Variants in BCR observed in about 807,000 individuals in gnomAD.
The protein encoded by BCR is breakpoint cluster region protein.
In BCR, 58 loss-of-function variants were observed where a neutral mutation model predicts 138.6. The observed-to-expected ratio is 0.42, with a 90% confidence interval of 0.34 to 0.52. The LOEUF is 0.52. BCR is among the 20% of genes least tolerant of loss of function. The probability of loss-of-function intolerance (pLI) is 0.06; values close to 1 mark genes in which losing one functional copy is unlikely to be tolerated. For synonymous variants in BCR, 786 were observed against 730.1 expected, an observed-to-expected ratio of 1.08 and a Z score of -1.23; for missense variants, 1,599 against 1,727.2, an observed-to-expected ratio of 0.93 and a Z score of 1.32.
At chr22:23,206,400 ATG>A (rs1423943433) in intron 1 of BCR, among the ~76,000 whole-genome samples, 12 of 152,092 alleles carry the variant, frequency 7.9e-5, no homozygotes, top group African/African-American at 9.6e-5. Flanking sequence ...CGGTGAAACC[ATG>A]TCTCTACTAA....
At chr22:23,211,066 C>T (rs528325963) in intron 1 of BCR, among the ~76,000 whole-genome samples, 1 of 152,204 alleles carries the variant, frequency 6.6e-6, no homozygotes, top group Non-Finnish European at 1.5e-5. Context: ...CTCCCCATCC[C>T]CTTCTTCTGT....
chr22:23,256,270 T>A (rs1276143262), intron 2 of BCR, among the ~76,000 whole-genome samples: 1 of 152,228 alleles, frequency 6.6e-6, no homozygotes, highest in East Asian at 1.9e-4. Context: ...CCTCATTTGG[T>A]CCCAGATGCT....
At chr22:23,265,073 A>G (rs1281887886) in intron 4 of BCR, 1 of 152,206 alleles carries the variant, frequency 6.6e-6, no homozygotes, top group Non-Finnish European at 1.5e-5. Flanking sequence ...GGGGGAAAAA[A>G]ACACACATCC....
At chr22:23,285,501 T>C (rs531873709) in intron 10 of BCR, among the ~76,000 whole-genome samples, 1 of 152,340 alleles carries the variant, frequency 6.6e-6, no homozygotes, top group Admixed American at 6.5e-5. Context: ...GGATACTTCT[T>C]AGACCTGGTG....
chr22:23,260,438 C>T (rs534366666), intron 2 of BCR, among the ~76,000 whole-genome samples: 17 of 152,220 alleles, frequency 1.1e-4, no homozygotes, highest in African/African-American at 3.9e-4. Flanking sequence ...CTGGAGAAGG[C>T]GGTGCTGCCT....
intron 4 of BCR, among the ~76,000 whole-genome samples, chr22:23,267,242 G>A (rs2073452800): frequency 6.6e-6 from 1 of 152,144 alleles, no homozygotes; most frequent in Non-Finnish European, 1.5e-5. Flanking sequence ...AGGGAAAGAA[G>A]GAAGAGCTCT....
At chr22:23,183,659 C>T (rs1201385732) in intron 1 of BCR, among the ~76,000 whole-genome samples, 1 of 152,238 alleles carries the variant, frequency 6.6e-6, no homozygotes, top group Non-Finnish European at 1.5e-5. Flanking sequence ...CTTGTCTGGC[C>T]AGCTGTTGGT....
intron 15 of BCR, 134 bp downstream of exon 15, chr22:23,292,772 CCT>C: frequency 1.5e-6 from 1 of 669,616 alleles, no homozygotes; most frequent in Non-Finnish European, 2.5e-6. Context: ...CCAGGAATCT[CCT>C]GGGGGGCCAG....
At chr22:23,210,485 T>C (rs1363777625) in intron 1 of BCR, among the ~76,000 whole-genome samples, 1 of 152,188 alleles carries the variant, frequency 6.6e-6, no homozygotes, top group Non-Finnish European at 1.5e-5. Context: ...GTTGTATATG[T>C]GCACGTATGT....
chr22:23,218,628 G>T (rs1337050085), intron 1 of BCR, among the ~76,000 whole-genome samples: 1 of 152,178 alleles, frequency 6.6e-6, no homozygotes, highest in African/African-American at 2.4e-5. Context: ...GACTCGTGTG[G>T]GGACAAGCTG....
chr22:23,210,281 G>T (rs1188570296), intron 1 of BCR, among the ~76,000 whole-genome samples: 1 of 152,004 alleles, frequency 6.6e-6, no homozygotes, highest in African/African-American at 2.4e-5. Flanking sequence ...GCTGGGCATG[G>T]TGGCATGGAC....
intron 1 of BCR, among the ~76,000 whole-genome samples, chr22:23,208,915 G>A (rs1356596315): frequency 4.6e-5 from 7 of 152,202 alleles, no homozygotes; most frequent in East Asian, 1.9e-4. Flanking sequence ...TCCCCTCCCC[G>A]CGGCAACCAC....
chr22:23,186,191 C>A (rs1049399653), intron 1 of BCR, among the ~76,000 whole-genome samples: 6 of 152,208 alleles, frequency 3.9e-5, no homozygotes, highest in African/African-American at 1.2e-4. Context: ...AGAGAGTAGC[C>A]GTTTGCCCTA....
chr22:23,184,902 A>C (rs1435079110), intron 1 of BCR, among the ~76,000 whole-genome samples: 1 of 149,610 alleles, frequency 6.7e-6, no homozygotes, highest in Non-Finnish European at 1.5e-5. Flanking sequence ...AGGAACAATG[A>C]GGAAAATCAC....
At chr22:23,255,935 T>G (rs1017136287) in intron 2 of BCR, among the ~76,000 whole-genome samples, 8 of 152,228 alleles carry the variant, frequency 5.3e-5, no homozygotes, top group Non-Finnish European at 1.2e-4. Flanking sequence ...GGGATTTGAT[T>G]GGAGGAGAAC....
At chr22:23,289,459 G>A in intron 12 of BCR, 58 bp from the exon 13 acceptor site, 1 of 1,445,696 alleles carries the variant, frequency 6.9e-7, no homozygotes, top group Non-Finnish European at 9.7e-7. Context: ...CAGTGGGAGG[G>A]GCCAGAGGGC....
Position 23,233,379 on chromosome 22 carries a change from C to T in BCR, c.1280-20420C>T, listed in dbSNP as rs570130945. On this transcript the variant is annotated intron_variant, in intron 1 of 22. Coordinates refer to ENST00000305877, the MANE Select transcript of BCR (RefSeq NM_004327.4). ...TTCTCGTTTGGAAACAGAAGAGACA[C>T]CACTGCTTCCCCACACCGACTTCCT... Among the ~76,000 whole-genome samples the T allele has an allele frequency of 2.6e-5, 4 of 152,294 alleles. No homozygotes were observed. The East Asian group carries it at 7.7e-4, about 29-fold the overall frequency.
chr22:23,212,630 C>T (rs981683721), intron 1 of BCR, among the ~76,000 whole-genome samples: 8 of 152,204 alleles, frequency 5.3e-5, no homozygotes, highest in Non-Finnish European at 1.0e-4. Flanking sequence ...TCTGGGGACA[C>T]AGGGGCCTTT....
chr22:23,182,745 C>T (rs1487503721), intron 1 of BCR, among the ~76,000 whole-genome samples: 2 of 152,204 alleles, frequency 1.3e-5, no homozygotes, highest in Non-Finnish European at 2.9e-5. Context: ...GATATGCTAG[C>T]TGCTCCTAGG....
Sources: allele counts gnomAD v4.1 joint callset (sites outside exome capture counted in the v4.1 genomes callset), GRCh38; gene constraint gnomAD v4.1.1; transcripts MANE v1.5; gene names NCBI Gene and HGNC (gene_info 2026-07-23, HGNC 2026-07-21).